Variants in ZDHHC14 observed in about 807,000 individuals in gnomAD.
ZDHHC14 encodes the protein palmitoyltransferase ZDHHC14.
In ZDHHC14, 16 loss-of-function variants were observed where a neutral mutation model predicts 47.7. That is an observed-to-expected ratio of 0.34 (90% CI 0.23 to 0.51). The LOEUF is 0.51. ZDHHC14 is among the 20% of genes least tolerant of loss of function. The pLI is 0.97. For missense variants in ZDHHC14, 515 were observed against 662.5 expected, an observed-to-expected ratio of 0.78 and a Z score of 2.44; for synonymous variants, 293 against 278.9, an observed-to-expected ratio of 1.05 and a Z score of -0.50.
intron 1 of ZDHHC14, among the ~76,000 whole-genome samples, chr6:157,528,232 A>T (rs1452724357): frequency 6.6e-6 from 1 of 152,100 alleles, no homozygotes; most frequent in African/African-American, 2.4e-5. Context: ...CGTGTTTGCC[A>T]TGGGGAAGTC....
Position 157,659,598 on chromosome 6 carries a change from A to G in ZDHHC14, c.1068+5971A>G, listed in dbSNP as rs142326567. Among the ~76,000 whole-genome samples, 140 of 152,328 alleles carry G rather than the reference A, an allele frequency of 9.2e-4. 2 individuals carry two copies. The highest frequency in any genetic ancestry group is 3.2e-3 in the African/African-American group (131 of 41,580). ...AAAGACCATCACAGACTAAGCCAGC[A>G]CATCATGACCAGCAGTGCCTGGCCG... is the stretch of plus-strand genomic sequence containing the variant. On this transcript the variant is annotated intron_variant, in intron 8 of 8. Coordinates refer to ENST00000359775, the MANE Select transcript of ZDHHC14 (RefSeq NM_024630.3).
At chr6:157,434,869 T>C (rs1189285083) in intron 1 of ZDHHC14, among the ~76,000 whole-genome samples, 2 of 152,188 alleles carry the variant, frequency 1.3e-5, no homozygotes, top group Non-Finnish European at 2.9e-5. Context: ...TGTTTTGTAA[T>C]AGTCCCGTCT....
intron 3 of ZDHHC14, among the ~76,000 whole-genome samples, chr6:157,622,864 C>A (rs1785248795): frequency 7.7e-6 from 1 of 129,404 alleles, no homozygotes; most frequent in African/African-American, 2.7e-5. Context: ...GAAGACATTT[C>A]TGCCTTTACT....
At chr6:157,425,867 G>A (rs2144864) in intron 1 of ZDHHC14, among the ~76,000 whole-genome samples, 1 of 152,062 alleles carries the variant, frequency 6.6e-6, no homozygotes, top group South Asian at 2.1e-4. Context: ...TAGAACCCTT[G>A]GACACCTGTT....
intron 2 of ZDHHC14, among the ~76,000 whole-genome samples, chr6:157,592,289 T>A (rs1203924850): frequency 6.6e-6 from 1 of 152,224 alleles, no homozygotes; most frequent in African/African-American, 2.4e-5. Context: ...GAACTGGTTC[T>A]AAAAATTAAA....
intron 2 of ZDHHC14, among the ~76,000 whole-genome samples, chr6:157,545,361 C>G: frequency 6.6e-6 from 1 of 151,152 alleles, no homozygotes; most frequent in Non-Finnish European, 1.5e-5. Context: ...ATAAATTATA[C>G]CTCTATGAAG....
chr6:157,647,506 C>T (rs867786511), intron 7 of ZDHHC14, 138 bp downstream of exon 7: 20 of 564,486 alleles, frequency 3.5e-5, no homozygotes, highest in Middle Eastern at 7.9e-4. Flanking sequence ...ATGTGGCCTT[C>T]GTGAAATCGA....
intron 1 of ZDHHC14, among the ~76,000 whole-genome samples, chr6:157,455,929 C>T (rs565743635): frequency 4.5e-4 from 68 of 152,278 alleles, no homozygotes; most frequent in African/African-American, 1.5e-3. Context: ...CTTTGATAGT[C>T]GCAGTGGACC....
chr6:157,492,851 GAC>G (rs1779961015), intron 1 of ZDHHC14, among the ~76,000 whole-genome samples: 1 of 152,126 alleles, frequency 6.6e-6, no homozygotes, highest in African/African-American at 2.4e-5. Flanking sequence ...CTTTGCATAA[GAC>G]ATTCCAGGCA....
chr6:157,646,032 G>A (rs938214933), intron 6 of ZDHHC14, among the ~76,000 whole-genome samples, 193 bp downstream of exon 6: 3 of 152,136 alleles, frequency 2.0e-5, no homozygotes, highest in Non-Finnish European at 4.4e-5. Context: ...GAATCTCCAC[G>A]TTCTCTGTTT....
intron 3 of ZDHHC14, among the ~76,000 whole-genome samples, chr6:157,602,636 G>T (rs1382241088): frequency 6.6e-6 from 1 of 152,158 alleles, no homozygotes; most frequent in Non-Finnish European, 1.5e-5. Flanking sequence ...GTACTGAACG[G>T]TAGGACAGAA....
intron 1 of ZDHHC14, among the ~76,000 whole-genome samples, chr6:157,447,283 G>T (rs1008085115): frequency 6.6e-6 from 1 of 152,256 alleles, no homozygotes; most frequent in Non-Finnish European, 1.5e-5. Context: ...AGGCCCTTCA[G>T]TTGCTGTGTC....
chr6:157,585,762 T>C (rs367655443), intron 2 of ZDHHC14, among the ~76,000 whole-genome samples: 3 of 152,286 alleles, frequency 2.0e-5, no homozygotes, highest in African/African-American at 4.8e-5. Context: ...CCGGCCCTTT[T>C]TGGGGGTGCT....
chr6:157,409,680 C>T (rs1040150195), intron 1 of ZDHHC14, among the ~76,000 whole-genome samples: 1 of 152,210 alleles, frequency 6.6e-6, no homozygotes, highest in Admixed American at 6.5e-5. Context: ...GCATGAATTG[C>T]ACCCAGCCCT....
At chr6:157,442,394 C>T (rs1172282523) in intron 1 of ZDHHC14, among the ~76,000 whole-genome samples, 1 of 152,118 alleles carries the variant, frequency 6.6e-6, no homozygotes, top group Non-Finnish European at 1.5e-5. Context: ...AAAACCCAAA[C>T]CAAAACAAAA....
At chr6:157,546,606 T>C (rs900418402) in intron 2 of ZDHHC14, among the ~76,000 whole-genome samples, 1 of 152,112 alleles carries the variant, frequency 6.6e-6, no homozygotes, top group Non-Finnish European at 1.5e-5. Context: ...CATCAAAGAA[T>C]AGCAGCAGGG....
At chr6:157,497,180 CA>C (rs2114734270) in intron 1 of ZDHHC14, among the ~76,000 whole-genome samples, 1 of 152,320 alleles carries the variant, frequency 6.6e-6, no homozygotes, top group South Asian at 2.1e-4. Flanking sequence ...TCATTTTGGA[CA>C]GTGACTATGG....
intron 2 of ZDHHC14, among the ~76,000 whole-genome samples, chr6:157,581,672 G>T (rs529881043): frequency 6.6e-6 from 1 of 152,138 alleles, no homozygotes; most frequent in East Asian, 1.9e-4. Context: ...ATTATGTAAT[G>T]CCCTTCTTTG....
intron 1 of ZDHHC14, among the ~76,000 whole-genome samples, chr6:157,441,444 G>A (rs1253292179): frequency 6.6e-6 from 1 of 152,210 alleles, no homozygotes; most frequent in Non-Finnish European, 1.5e-5. Context: ...TGTGTTGTGT[G>A]GGAGTGAGGA....
Sources: gnomAD v4.1 joint callset for allele counts (sites outside exome capture counted in the v4.1 genomes callset) on GRCh38, gnomAD v4.1.1 for gene constraint, MANE v1.5 for transcripts, NCBI Gene and HGNC (gene_info 2026-07-23, HGNC 2026-07-21) for gene names.